The following GALNTL6 variants were observed in gnomAD, a reference collection of about 807,000 sequenced individuals.
GALNTL6 encodes the protein polypeptide N-acetylgalactosaminyltransferase like 6, also known as polypeptide N-acetylgalactosaminyltransferase-like 6.
Under a neutral mutation model 73.7 loss-of-function variants are expected in GALNTL6, and 46 were observed. The observed-to-expected ratio is 0.62, with a 90% CI of 0.49 to 0.80. GALNTL6 has a LOEUF of 0.80. GALNTL6 is among the 30% of genes least tolerant of loss of function. The probability of loss-of-function intolerance (pLI) is 0.00; values close to 1 mark genes in which losing one functional copy is unlikely to be tolerated. For synonymous variants in GALNTL6, 259 were observed against 263.7 expected, an observed-to-expected ratio of 0.98 and a Z score of 0.17; for missense variants, 604 against 755.0, an observed-to-expected ratio of 0.80 and a Z score of 2.34.
intron 5 of GALNTL6, among the ~76,000 whole-genome samples, chr4:172,487,629 C>G (rs536358090): frequency 9.2e-4 from 140 of 152,110 alleles, no homozygotes; most frequent in African/African-American, 2.9e-3. Context: ...CTCAGGTGAT[C>G]TGCCCGCCTC....
rs182769568 is a variant in GALNTL6, at chr4:172,279,462, T to A, written c.248-32152T>A. Among the ~76,000 whole-genome samples the A allele has an allele frequency of 5.1e-3, 780 of 152,224 alleles. 2 individuals carry two copies. Among genetic ancestry groups the A allele is most frequent in the Non-Finnish European group, 8.7e-3 (592 of 67,994 alleles). ...AAATATCAATAAGCATACAAAAATATGTTCTACATCACTAATCATCAGGGA... is the reference window on the plus strand; with the variant it reads ...AAATATCAATAAGCATACAAAAATAAGTTCTACATCACTAATCATCAGGGA... On this transcript the variant is annotated intron_variant, in intron 3 of 12. Transcript: ENST00000506823.
chr4:172,260,325 A>G (rs1215386743), intron 3 of GALNTL6, among the ~76,000 whole-genome samples: 1 of 151,434 alleles, frequency 6.6e-6, no homozygotes, highest in African/African-American at 2.4e-5. Context: ...TTGGTTAGGT[A>G]TATTCCTAAG....
intron 5 of GALNTL6, among the ~76,000 whole-genome samples, chr4:172,698,500 C>T (rs148871521): frequency 1.3e-5 from 2 of 152,238 alleles, no homozygotes; most frequent in African/African-American, 4.8e-5. Context: ...TCCCACGTGG[C>T]CACACCTCTT....
chr4:172,128,197 T>G (rs1733359110), intron 2 of GALNTL6, among the ~76,000 whole-genome samples: 1 of 152,158 alleles, frequency 6.6e-6, no homozygotes, highest in African/African-American at 2.4e-5. Context: ...TTGACAAATT[T>G]TAAAACAGCT....
At chr4:172,295,977 G>C (rs1739658646) in intron 3 of GALNTL6, among the ~76,000 whole-genome samples, 1 of 151,570 alleles carries the variant, frequency 6.6e-6, no homozygotes. Flanking sequence ...TATATCACTT[G>C]ATAGTATCAA....
intron 2 of GALNTL6, among the ~76,000 whole-genome samples, chr4:172,087,974 C>T (rs1732098064): frequency 6.6e-6 from 1 of 152,002 alleles, no homozygotes; most frequent in Non-Finnish European, 1.5e-5. Context: ...GTAGGTTGAT[C>T]CCAAAAGTAG....
At chr4:172,490,110 G>T (rs562140709) in intron 5 of GALNTL6, among the ~76,000 whole-genome samples, 24 of 152,242 alleles carry the variant, frequency 1.6e-4, no homozygotes, top group African/African-American at 5.5e-4. Flanking sequence ...TTGCCTCAGG[G>T]TTTTTAAATG....
rs1283720892 is a variant in GALNTL6, at chr4:172,162,454, TTAAA to T, written c.139-67197_139-67194del. The stretch of plus-strand genomic sequence containing the variant: ...TCCTGGTACATCTCTGAAAAAACTA[TTAAA>T]TAAAGAATAAAAGAGGGGACATTTA... On this transcript the variant is annotated intron_variant, in intron 2 of 12. Transcript: ENST00000506823. Among the ~76,000 whole-genome samples, 5 of 152,066 alleles carry T rather than the reference TTAAA, an allele frequency of 3.3e-5. No individual in the cohort carries two copies. The East Asian group carries it at 9.6e-4, about 29-fold the overall frequency.
intron 8 of GALNTL6, among the ~76,000 whole-genome samples, chr4:172,912,821 T>C (rs1056060425): frequency 1.3e-5 from 2 of 152,190 alleles, no homozygotes; most frequent in African/African-American, 4.8e-5. Context: ...CAGCAGAAAC[T>C]TCTGCAGACT....
Position 172,139,248 on chromosome 4 carries a change from C to A in GALNTL6, c.139-90408C>A, listed in dbSNP as rs11936913. The stretch of plus-strand genomic sequence containing the variant: ...TTATTCTTAGTTTGGTGATTGCTCA[C>A]TGTTTATGCCCTTAAAAATGTTAAA... On this transcript the variant is annotated intron_variant, in intron 2 of 12. Coordinates refer to ENST00000506823, the MANE Select transcript of GALNTL6 (RefSeq NM_001034845.3). 8.1e-3 allele frequency among the ~76,000 whole-genome samples: 1,232 copies of A among 152,214 alleles called. 20 individuals carry two copies. The highest frequency in any genetic ancestry group is 0.028 in the African/African-American group (1,164 of 41,520).
chr4:172,470,151 C>T (rs1732993126), intron 5 of GALNTL6, among the ~76,000 whole-genome samples: 1 of 152,190 alleles, frequency 6.6e-6, no homozygotes, highest in Admixed American at 6.5e-5. Context: ...AGTCCCTAAG[C>T]ACCAGGCAAT....
intron 5 of GALNTL6, among the ~76,000 whole-genome samples, chr4:172,503,045 T>G (rs1734318928): frequency 6.6e-6 from 1 of 152,192 alleles, no homozygotes; most frequent in Admixed American, 6.5e-5. Flanking sequence ...CTCAAAAGAA[T>G]GTAAAACATG....
intron 5 of GALNTL6, among the ~76,000 whole-genome samples, chr4:172,578,982 G>C (rs1201704280): frequency 6.6e-6 from 1 of 152,212 alleles, no homozygotes; most frequent in Non-Finnish European, 1.5e-5. Context: ...GGCTGCTGCT[G>C]AGTTGATTTA....
At chr4:171,896,607 C>T (rs917886048) in intron 2 of GALNTL6, among the ~76,000 whole-genome samples, 13 of 152,214 alleles carry the variant, frequency 8.5e-5, no homozygotes, top group African/African-American at 3.1e-4. Context: ...TCTCACTGTG[C>T]CTTCCTGTGG....
At chr4:171,923,786 C>CTGTGTGTGTGTGTGTGTGTGTGTG (rs563244976) in intron 2 of GALNTL6, among the ~76,000 whole-genome samples, 9 of 133,292 alleles carry the variant, frequency 6.8e-5, no homozygotes, top group East Asian at 2.4e-4. Flanking sequence ...AAAAGTATTG[C>CTGTGTGTGTGTGTGTGTGTGTGTG]TGTGTGTGTG....
chr4:173,032,465 A>G (rs1304789554), intron 12 of GALNTL6, among the ~76,000 whole-genome samples: 2 of 152,076 alleles, frequency 1.3e-5, no homozygotes, highest in African/African-American at 4.8e-5. Context: ...AAAAAAAAAA[A>G]AAGTTATATA....
At chr4:172,376,829 T>C (rs540261446) in intron 5 of GALNTL6, among the ~76,000 whole-genome samples, 25 of 152,254 alleles carry the variant, frequency 1.6e-4, no homozygotes, top group African/African-American at 5.8e-4. Context: ...CAGACCCTCG[T>C]GATAAGTATT....
intron 2 of GALNTL6, among the ~76,000 whole-genome samples, chr4:172,086,391 TATA>T (rs570558527): frequency 9.5e-4 from 144 of 152,258 alleles, no homozygotes; most frequent in African/African-American, 3.2e-3. Flanking sequence ...AATAATCACT[TATA>T]ATGTCAATTT....
intron 5 of GALNTL6, among the ~76,000 whole-genome samples, chr4:172,539,157 T>G (rs1032396838): frequency 1.7e-4 from 26 of 152,288 alleles, no homozygotes; most frequent in Admixed American, 1.6e-3. Context: ...ATGAATTTTT[T>G]TTGTGTTCTT....
Sources: allele counts gnomAD v4.1 joint callset (sites outside exome capture counted in the v4.1 genomes callset), GRCh38; gene constraint gnomAD v4.1.1; transcripts MANE v1.5; gene names NCBI Gene and HGNC (gene_info 2026-07-23, HGNC 2026-07-21).